The following WDFY3 variants were observed in gnomAD, a reference collection of about 807,000 sequenced individuals.
WDFY3 encodes WD repeat and FYVE domain containing 3.
In WDFY3, 66 loss-of-function variants were observed where a neutral mutation model predicts 409.6. The ratio of observed to expected loss-of-function variants is 0.16; its 90% CI spans 0.13 to 0.20. The LOEUF is 0.20. Among genes scored for constraint, WDFY3 ranks in the 10% least tolerant of loss-of-function variants. The pLI, the probability that WDFY3 is intolerant of heterozygous loss-of-function variation, is 1.00. For missense variants in WDFY3, 3,031 were observed against 4,298.1 expected, an observed-to-expected ratio of 0.71 and a Z score of 8.24; for synonymous variants, 1,521 against 1,537.1, an observed-to-expected ratio of 0.99 and a Z score of 0.25.
intron 3 of WDFY3, among the ~76,000 whole-genome samples, chr4:84,890,830 G>T (rs186773729): frequency 1.1e-3 from 165 of 152,024 alleles, no homozygotes; most frequent in Non-Finnish European, 1.6e-3. Context: ...ATTTTTAATT[G>T]GAGAAAGTAT....
chr4:84,776,891 G>GGT (rs774655522), intron 27 of WDFY3, among the ~76,000 whole-genome samples: 5 of 152,000 alleles, frequency 3.3e-5, no homozygotes, highest in African/African-American at 4.8e-5. Flanking sequence ...AGGTCCCAAG[G>GGT]GTATGTAGGA....
chr4:84,900,283 T>C (rs1322372178), intron 2 of WDFY3, among the ~76,000 whole-genome samples: 2 of 152,030 alleles, frequency 1.3e-5, no homozygotes, highest in Non-Finnish European at 2.9e-5. Context: ...TGGAGTTCAG[T>C]GGTACAATCA....
intron 27 of WDFY3, among the ~76,000 whole-genome samples, chr4:84,777,580 T>C (rs1010899111): frequency 1.3e-5 from 2 of 152,096 alleles, no homozygotes; most frequent in African/African-American, 4.8e-5. Flanking sequence ...GGGAAGCTTC[T>C]AGTAAGCTTT....
rs138742817 is a variant in WDFY3 at position 84,917,704 on chromosome 4, A to T, written c.-132+14566T>A. ...AAATGCGAGGGCAATAATAAAAATCATTAGCAAATTTGAATATATATATAT... is the reference window on the plus strand; with the variant it reads ...AAATGCGAGGGCAATAATAAAAATCTTTAGCAAATTTGAATATATATATAT... On this transcript the variant is annotated intron_variant, in intron 2 of 67. Transcript: ENST00000295888. Among the ~76,000 whole-genome samples the T allele has an allele frequency of 6.5e-3, 989 of 152,158 alleles. 11 individuals are homozygous for T. Among genetic ancestry groups the T allele is most frequent in the African/African-American group, 0.022 (921 of 41,540 alleles).
chr4:84,679,236 T>C lies in WDFY3; in HGVS notation c.9830A>G (p.Glu3277Gly), dbSNP rs1726898553. Residue 3277 changes from glutamate (E) to glycine (G), a missense_variant, in exon 65 of 68, where the codon GAA becomes GGA. Transcript: ENST00000295888. The stretch of plus-strand genomic sequence containing the variant: ...ATCACTGCTGTCCTCGTCTTGGGCT[T>C]CCTGCCCTGGGTGAAGCATTGAGAG... Reference protein sequence around the residue: ...EDCPEAQIGQEAQDEDSSDSE... With the variant: ...EDCPEAQIGQGAQDEDSSDSE... 2 of 1,528,130 alleles carry C rather than the reference T, an allele frequency of 1.3e-6. No individual in the cohort carries two copies. Among genetic ancestry groups the C allele is most frequent in the Non-Finnish European group, 1.8e-6 (2 of 1,132,190 alleles). 94.7% of individuals were successfully genotyped at this position (1,528,130 alleles called of 1,614,324 possible). A position where few individuals can be genotyped will look rare whatever the true frequency, so the allele number is the denominator to read the frequency against.
chr4:84,705,365 A>G (rs1029627236), intron 54 of WDFY3, 29 bp downstream of exon 54: 2 of 1,585,362 alleles, frequency 1.3e-6, no homozygotes, highest in Non-Finnish European at 1.7e-6. Context: ...ACTTGGGTAC[A>G]AAGTCCAATG....
At chr4:84,793,519 A>G (rs1748866308) in intron 21 of WDFY3, among the ~76,000 whole-genome samples, 1 of 152,228 alleles carries the variant, frequency 6.6e-6, no homozygotes, top group Admixed American at 6.5e-5. Flanking sequence ...GGTCAAGTAC[A>G]AAGATCAAAG....
intron 36 of WDFY3, among the ~76,000 whole-genome samples, chr4:84,745,361 G>GA (rs1023091086): frequency 3.9e-5 from 6 of 152,142 alleles, no homozygotes; most frequent in Non-Finnish European, 7.4e-5. Flanking sequence ...AAGTGAAATG[G>GA]AAGAACCTAC....
At chr4:84,789,697 G>A (rs1178534475) in intron 22 of WDFY3, 29 bp downstream of exon 22, 21 of 1,604,812 alleles carry the variant, frequency 1.3e-5, no homozygotes, top group Non-Finnish European at 1.8e-5. Flanking sequence ...TTATAAAACA[G>A]GTAGATTTAC....
chr4:84,693,746 T>C (rs1011910209), intron 58 of WDFY3, among the ~76,000 whole-genome samples: 1 of 151,864 alleles, frequency 6.6e-6, no homozygotes, highest in Non-Finnish European at 1.5e-5. Context: ...AATACAAAAA[T>C]TAGCTGGGCG....
chr4:84,772,907 T>A lies in WDFY3; in HGVS notation c.4777A>T (p.Thr1593Ser), dbSNP rs147412166. Reference protein sequence around the residue: ...LLRFGQFISSTLPTFAVCEKF... With the variant: ...LLRFGQFISSSLPTFAVCEKF... ...TCACAAACCGCAAAGGTTGGCAAAG[T>A]AGAAGAAATAAACTGCCCAAATCTT... is the stretch of plus-strand genomic sequence containing the variant. The change falls in exon 30 of 68, where the codon ACT (threonine) becomes TCT (serine). Residue 1593 changes from threonine (T) to serine (S), a missense_variant. Thr to Ser is a moderately conservative substitution (Grantham distance 58, BLOSUM62 1). Around this residue, in one of 16 missense-constraint regions of WDFY3, gnomAD observed 342 missense variants for 463.7 expected, o/e 0.74. Transcript: ENST00000295888. 3.7e-6 allele frequency: 6 copies of A among 1,607,024 alleles called. No individual in the cohort carries two copies. In the African/African-American group the frequency reaches 8.1e-5, roughly 22 times the overall value.
At chr4:84,740,122 A>T in intron 39 of WDFY3, 65 bp downstream of exon 39, 1 of 1,499,190 alleles carries the variant, frequency 6.7e-7, no homozygotes, top group Non-Finnish European at 9.2e-7. Flanking sequence ...AAAAAAAATA[A>T]AGAATTTTGT....
chr4:84,773,955 CATGATCCGCCT>C (rs1474865025), intron 29 of WDFY3, among the ~76,000 whole-genome samples: 2 of 152,272 alleles, frequency 1.3e-5, no homozygotes, highest in South Asian at 4.1e-4. Flanking sequence ...CTCCTGACCT[CATGATCCGCCT>C]GCCTCAGCCT....
intron 40 of WDFY3, 25 bp from the exon 41 acceptor site, chr4:84,737,391 C>G: frequency 6.6e-7 from 1 of 1,521,002 alleles, no homozygotes; most frequent in Non-Finnish European, 8.8e-7. Flanking sequence ...AACAAACAAA[C>G]AAAAAAGTAA....
intron 3 of WDFY3, among the ~76,000 whole-genome samples, chr4:84,875,677 C>T (rs1560980224): frequency 1.3e-5 from 2 of 152,124 alleles, no homozygotes; most frequent in Non-Finnish European, 2.9e-5. Flanking sequence ...TTCTTTATAT[C>T]ATTATTCTAT....
chr4:84,836,096 T>C (rs1186758482), intron 7 of WDFY3, among the ~76,000 whole-genome samples: 1 of 152,208 alleles, frequency 6.6e-6, no homozygotes, highest in East Asian at 1.9e-4. Flanking sequence ...ATATGTACAC[T>C]GCTGTGCAAC....
At chr4:84,812,320 A>C (rs1486956371) in intron 13 of WDFY3, among the ~76,000 whole-genome samples, 2 of 152,018 alleles carry the variant, frequency 1.3e-5, no homozygotes, top group East Asian at 3.9e-4. Context: ...CATATTAACA[A>C]AAGACTTAAC....
At chr4:84,727,952 A>C (rs1447092213) in intron 44 of WDFY3, among the ~76,000 whole-genome samples, 1 of 152,190 alleles carries the variant, frequency 6.6e-6, no homozygotes, top group East Asian at 1.9e-4. Flanking sequence ...ATAAAAGTAT[A>C]ATGTATATAT....
intron 24 of WDFY3, among the ~76,000 whole-genome samples, chr4:84,784,695 G>T (rs1395282331): frequency 6.6e-6 from 1 of 151,198 alleles, no homozygotes; most frequent in African/African-American, 2.4e-5. Flanking sequence ...AAAATCAGTT[G>T]GGCATGGTGG....
Sources: allele counts gnomAD v4.1 joint callset (sites outside exome capture counted in the v4.1 genomes callset), GRCh38; gene constraint gnomAD v4.1.1; regional missense constraint gnomAD v4.1.1; transcripts MANE v1.5; gene names NCBI Gene and HGNC (gene_info 2026-07-23, HGNC 2026-07-21).